DCLK2: variants seen among roughly 807,000 people sequenced by gnomAD.
DCLK2 encodes serine/threonine-protein kinase DCLK2.
DCLK2 carries 31 observed loss-of-function variants against 78.4 expected under a neutral mutation model. The observed-to-expected ratio is 0.40, with a 90% CI of 0.30 to 0.53. The LOEUF (loss-of-function observed/expected upper bound fraction) is 0.53. DCLK2 is among the 20% of genes least tolerant of loss of function. DCLK2 has a pLI of 0.61. For missense variants in DCLK2, 872 were observed against 973.7 expected, an observed-to-expected ratio of 0.90 and a Z score of 1.39; for synonymous variants, 407 against 374.9, an observed-to-expected ratio of 1.09 and a Z score of -0.99.
chr4:150,183,753 A>C (rs1737703341), intron 2 of DCLK2, among the ~76,000 whole-genome samples: 1 of 143,944 alleles, frequency 6.9e-6, no homozygotes, highest in South Asian at 2.1e-4. Context: ...TTTTTTTTGG[A>C]GACAGAGTCT....
At chr4:150,254,978 A>G (rs548227531) in intron 15 of DCLK2, among the ~76,000 whole-genome samples, 1 of 152,278 alleles carries the variant, frequency 6.6e-6, no homozygotes, top group Non-Finnish European at 1.5e-5. Context: ...GCACCCGGCC[A>G]GAAATGGATG....
intron 12 of DCLK2, among the ~76,000 whole-genome samples, chr4:150,245,161 A>G (rs1181721583): frequency 6.6e-6 from 1 of 152,194 alleles, no homozygotes; most frequent in African/African-American, 2.4e-5. Flanking sequence ...AGCTGAGTTC[A>G]CTCAGCAGGG....
intron 8 of DCLK2, among the ~76,000 whole-genome samples, chr4:150,224,918 A>C (rs1741483083): frequency 6.6e-6 from 1 of 152,190 alleles, no homozygotes; most frequent in South Asian, 2.1e-4. Context: ...GCAGAACACA[A>C]GATTTCTGAG....
At chr4:150,241,417 G>A (rs998715290) in intron 12 of DCLK2, among the ~76,000 whole-genome samples, 1 of 152,180 alleles carries the variant, frequency 6.6e-6, no homozygotes, top group African/African-American at 2.4e-5. Flanking sequence ...CCCCTCTGGA[G>A]CAAATGAATT....
intron 2 of DCLK2, among the ~76,000 whole-genome samples, chr4:150,184,858 C>T (rs1349919586): frequency 6.6e-6 from 1 of 152,170 alleles, no homozygotes; most frequent in Non-Finnish European, 1.5e-5. Context: ...GCCTCAGCCT[C>T]CCAAAGTGCT....
intron 8 of DCLK2, among the ~76,000 whole-genome samples, chr4:150,226,310 T>C (rs1222832180): frequency 2.0e-5 from 3 of 151,690 alleles, no homozygotes; most frequent in Non-Finnish European, 4.4e-5. Context: ...TTCCTTTGAA[T>C]AAGGTTTTCT....
chr4:150,104,047 G>A (rs565430279), intron 2 of DCLK2, among the ~76,000 whole-genome samples: 114 of 151,730 alleles, frequency 7.5e-4, no homozygotes, highest in South Asian at 1.5e-3. Context: ...ATTCTTGATG[G>A]GCACAGGGAA....
intron 2 of DCLK2, among the ~76,000 whole-genome samples, chr4:150,116,896 C>T (rs1192418916): frequency 6.6e-6 from 1 of 152,018 alleles, no homozygotes; most frequent in Non-Finnish European, 1.5e-5. Flanking sequence ...TTGGTTGACT[C>T]CCAGAGTGCA....
intron 2 of DCLK2, among the ~76,000 whole-genome samples, chr4:150,152,919 A>T (rs1734997191): frequency 6.6e-6 from 1 of 152,220 alleles, no homozygotes; most frequent in Non-Finnish European, 1.5e-5. Context: ...ACAGCTGAAT[A>T]ATGAGCTTGG....
intron 7 of DCLK2, among the ~76,000 whole-genome samples, chr4:150,221,993 T>G (rs931107442): frequency 2.0e-5 from 3 of 151,842 alleles, no homozygotes; most frequent in Admixed American, 2.0e-4. Context: ...TATTTATTTA[T>G]TTATTTATTT....
At chr4:150,109,545 G>A (rs1245858989) in intron 2 of DCLK2, among the ~76,000 whole-genome samples, 1 of 152,006 alleles carries the variant, frequency 6.6e-6, no homozygotes, top group East Asian at 1.9e-4. Context: ...CACCATGTTG[G>A]CCAGGATAGC....
chr4:150,120,291 A>C (rs1732425433), intron 2 of DCLK2, among the ~76,000 whole-genome samples: 1 of 152,142 alleles, frequency 6.6e-6, no homozygotes, highest in Admixed American at 6.5e-5. Flanking sequence ...TTCCATGTAA[A>C]ACCCCAACTC....
chr4:150,081,053 A>G (rs1729230336), intron 1 of DCLK2, among the ~76,000 whole-genome samples: 1 of 152,222 alleles, frequency 6.6e-6, no homozygotes, highest in South Asian at 2.1e-4. Context: ...AAACAGAGTA[A>G]CCAGTTGTTT....
chr4:150,155,492 A>G (rs950941986), intron 2 of DCLK2, among the ~76,000 whole-genome samples: 4 of 152,224 alleles, frequency 2.6e-5, no homozygotes, highest in African/African-American at 9.6e-5. Flanking sequence ...GAATGATTGT[A>G]CTGATATTTG....
chr4:150,104,394 TAAA>T (rs34276664), intron 2 of DCLK2, among the ~76,000 whole-genome samples: 2,093 of 29,600 alleles, frequency 0.071, 73 homozygotes, highest in Admixed American at 0.12. Context: ...CCACATCTCC[TAAA>T]AAAAAAAAAA....
In DCLK2 at chr4:150,093,403, C is replaced by T. The variant is rs571416466; in HGVS notation, c.422-9075C>T. ...TGACATATTTATTTATTTATTGAGA[C>T]GGAGTCTTGCCCTGTTGCCCCAGGT... is the stretch of plus-strand genomic sequence containing the variant. On this transcript the variant is annotated intron_variant, in intron 1 of 15. Coordinates refer to ENST00000296550, the MANE Select transcript of DCLK2 (RefSeq NM_001040260.4). Among the ~76,000 whole-genome samples, 15 of 152,250 alleles carry T rather than the reference C, an allele frequency of 9.9e-5. No homozygotes were observed. The South Asian group carries it at 1.2e-3, about 13-fold the overall frequency.
chr4:150,130,558 AGG>A (rs1373597077), intron 2 of DCLK2, among the ~76,000 whole-genome samples: 7 of 152,262 alleles, frequency 4.6e-5, no homozygotes, highest in African/African-American at 1.4e-4. Context: ...AGGACATAGT[AGG>A]AAATAAGCTG....
At chr4:150,151,402 C>T (rs997502178) in intron 2 of DCLK2, among the ~76,000 whole-genome samples, 7 of 152,142 alleles carry the variant, frequency 4.6e-5, no homozygotes, top group Non-Finnish European at 7.4e-5. Flanking sequence ...TCTGCATGCC[C>T]CAGAAAAGCC....
intron 2 of DCLK2, among the ~76,000 whole-genome samples, chr4:150,122,754 A>T (rs1277403893): frequency 6.6e-6 from 1 of 152,246 alleles, no homozygotes; most frequent in Non-Finnish European, 1.5e-5. Context: ...AAGTATAATT[A>T]AAAAATTGGT....
Sources: allele counts gnomAD v4.1 joint callset (sites outside exome capture counted in the v4.1 genomes callset), GRCh38; gene constraint gnomAD v4.1.1; transcripts MANE v1.5; gene names NCBI Gene and HGNC (gene_info 2026-07-23, HGNC 2026-07-21).